The following WDR1 variants were observed in gnomAD, a reference collection of about 807,000 sequenced individuals.
WDR1 encodes WD repeat-containing protein 1.
In WDR1, 21 loss-of-function variants were observed where a neutral mutation model predicts 71.9. That is an observed-to-expected ratio of 0.29 (90% CI 0.21 to 0.42). The LOEUF (loss-of-function observed/expected upper bound fraction) is 0.42, where lower values mean the gene tolerates loss of function less well. Among genes scored for constraint, WDR1 ranks in the 10% least tolerant of loss-of-function variants. The pLI is 1.00. For missense variants in WDR1, 696 were observed against 824.5 expected, an observed-to-expected ratio of 0.84 and a Z score of 1.91; for synonymous variants, 424 against 347.4, an observed-to-expected ratio of 1.22 and a Z score of -2.45.
At chr4:10,105,565 C>A (rs1246872998) in intron 2 of WDR1, among the ~76,000 whole-genome samples, 1 of 152,150 alleles carries the variant, frequency 6.6e-6, no homozygotes, top group Non-Finnish European at 1.5e-5. Flanking sequence ...AAAACTACAA[C>A]AGAATACCAC....
rs1020351592 is a variant in WDR1, at chr4:10,077,559, G to T, written c.1570-111C>A. 21 of 1,539,824 alleles carry T rather than the reference G, an allele frequency of 1.4e-5. No homozygotes were observed. In the East Asian group the frequency reaches 4.7e-4, roughly 35 times the overall value. On this transcript the variant is annotated intron_variant, in intron 13 of 14. Coordinates refer to ENST00000499869, the MANE Select transcript of WDR1 (RefSeq NM_017491.5). ...CAATAAGGACCGAGGTTTCTCACGC[G>T]CTAACTCTATGCCAGCGACCCCTGC...
chr4:10,111,714 C>A (rs1409189201), intron 2 of WDR1, among the ~76,000 whole-genome samples: 4 of 152,132 alleles, frequency 2.6e-5, no homozygotes, highest in Non-Finnish European at 5.9e-5. Flanking sequence ...ACCCCCAACC[C>A]GCAGGAAACA....
Position 10,115,967 on chromosome 4 carries a change from C to T in WDR1, c.138+146G>A, listed in dbSNP as rs75372211. Reference sequence around the variant, plus strand: ...AATCTGAGGCCGGCTTCCGGGGCTCCGAGGTGTGGCTCCCGGTAGAGGGGG... The same window carrying T: ...AATCTGAGGCCGGCTTCCGGGGCTCTGAGGTGTGGCTCCCGGTAGAGGGGG... On this transcript the variant is annotated intron_variant, in intron 2 of 14. Transcript: ENST00000499869. The T allele has an allele frequency of 3.5e-4, 396 of 1,129,622 alleles. No homozygotes were observed. The African/African-American group carries it at 5.7e-3, about 16-fold the overall frequency. 70.0% of individuals were successfully genotyped at this position (1,129,622 alleles called of 1,614,324 possible). A position where few individuals can be genotyped will look rare whatever the true frequency, so the allele number is the denominator to read the frequency against.
intron 8 of WDR1, among the ~76,000 whole-genome samples, chr4:10,084,860 G>A (rs987457609): frequency 6.6e-6 from 1 of 152,192 alleles, no homozygotes; most frequent in African/African-American, 2.4e-5. Context: ...GTGCAGACAC[G>A]TGGCCTGCAC....
chr4:10,081,449 TAGAG>T lies in WDR1; in HGVS notation c.1197-9_1197-6del, dbSNP rs762073314. On this transcript the variant is annotated splice_polypyrimidine_tract_variant and splice_region_variant and intron_variant, in intron 10 of 14. Transcript: ENST00000499869. ...AGTTTCACAACTCCTTGTCCGCTGT[TAGAG>T]AGAAAGGAAGCACATTACTTCGACA... 78 of 1,613,240 alleles carry T rather than the reference TAGAG, an allele frequency of 4.8e-5. No homozygotes were observed. The highest frequency in any genetic ancestry group is 5.8e-5 in the Non-Finnish European group (69 of 1,179,588).
rs1764744963 is a variant in WDR1 at position 10,075,032 on chromosome 4, G to GACA, written c.*345_*346insTGT. 1 of 387,184 alleles carries GACA rather than the reference G, an allele frequency of 2.6e-6. No individual in the cohort carries two copies. Among genetic ancestry groups the GACA allele is most frequent in the Non-Finnish European group, 4.6e-6 (1 of 215,164 alleles). The allele number at this position is 387,184 out of a possible 1,614,324, so 24.0% of individuals were successfully genotyped here. On this transcript the variant is annotated 3_prime_UTR_variant, in exon 15 of 15. Coordinates refer to ENST00000499869, the MANE Select transcript of WDR1 (RefSeq NM_017491.5). ...TTCACCTGTACAACCTCCCCTGACA[G>GACA]ATAGTGAGAGCCGCGGCGGGGCCAG... is the stretch of plus-strand genomic sequence containing the variant.
chr4:10,101,083 A>G (rs4697918), intron 3 of WDR1, among the ~76,000 whole-genome samples: 136,484 of 152,296 alleles, frequency 0.9, 63,013 homozygotes, highest in East Asian at 1. Context: ...GGCCCTCGCC[A>G]ACTCCCAAGG....
At chr4:10,095,605 A>G (rs1363444586) in intron 5 of WDR1, among the ~76,000 whole-genome samples, 2 of 152,120 alleles carry the variant, frequency 1.3e-5, no homozygotes, top group African/African-American at 4.8e-5. Flanking sequence ...GATACACACC[A>G]AAGTGTATCT....
intron 10 of WDR1, among the ~76,000 whole-genome samples, chr4:10,082,737 G>A (rs1057325315): frequency 6.6e-6 from 1 of 152,208 alleles, no homozygotes; most frequent in African/African-American, 2.4e-5. Flanking sequence ...GGGAGAGACC[G>A]CAGCAGGTTC....
rs879860413 is a variant in WDR1 at position 10,103,265 on chromosome 4, CAT to C, written c.229+629_229+630del. ...ACACAAAACAAAACATCCATTCACA[CAT>C]ACACACACACACACACACACAGACA... On this transcript the variant is annotated intron_variant, in intron 3 of 14. Transcript: ENST00000499869. 8.6e-4 allele frequency among the ~76,000 whole-genome samples: 71 copies of C among 82,202 alleles called. 1 individual carries two copies. Among genetic ancestry groups the C allele is most frequent in the Admixed American group, 5.5e-4 (4 of 7,234 alleles). 53.9% of individuals were successfully genotyped at this position (82,202 alleles called of 152,430 possible).
chr4:10,116,295 G>C lies in WDR1; in HGVS notation c.17-61C>G, dbSNP rs907420499. On this transcript the variant is annotated intron_variant, in intron 1 of 14. Coordinates refer to ENST00000499869, the MANE Select transcript of WDR1 (RefSeq NM_017491.5). Reference sequence around the variant, plus strand: ...CAGGGCGGGGACGGCGGGGACAGAAGGGAGAAGGAGCCCCGGACCGGTCTC... The same window carrying C: ...CAGGGCGGGGACGGCGGGGACAGAACGGAGAAGGAGCCCCGGACCGGTCTC... 3.1e-6 allele frequency: 5 copies of C among 1,607,474 alleles called. No homozygotes were observed. The African/African-American group carries it at 5.3e-5, about 17-fold the overall frequency.
intron 5 of WDR1, chr4:10,096,613 G>A (rs1712366136): frequency 6.6e-6 from 1 of 152,256 alleles, no homozygotes; most frequent in South Asian, 2.1e-4. Context: ...GCCAAGAACA[G>A]TCTCTGGAAA....
intron 3 of WDR1, among the ~76,000 whole-genome samples, chr4:10,100,524 G>A (rs1385450889): frequency 6.6e-6 from 1 of 152,250 alleles, no homozygotes; most frequent in African/African-American, 2.4e-5. Context: ...CCCGAGCCTA[G>A]ACTGAGCCAT....
chr4:10,099,430 T>C lies in WDR1; in HGVS notation c.230-291A>G, dbSNP rs181261959. 1.1e-3 allele frequency among the ~76,000 whole-genome samples: 169 copies of C among 152,372 alleles called. 1 individual carries two copies. Among genetic ancestry groups the C allele is most frequent in the African/African-American group, 3.8e-3 (158 of 41,588 alleles). On this transcript the variant is annotated intron_variant, in intron 3 of 14. Coordinates refer to ENST00000499869, the MANE Select transcript of WDR1 (RefSeq NM_017491.5). ...AATCATCTGGATAACAAACCCTGCT[T>C]AGGCATCAGAAAAAGCCCAGGGACA...
At chr4:10,086,291 G>A (rs3756229) in intron 8 of WDR1, among the ~76,000 whole-genome samples, 45,426 of 152,050 alleles carry the variant, frequency 0.3, 7,193 homozygotes, top group East Asian at 0.54. Context: ...CCTGGGCTGT[G>A]AGCCCAGCAA....
At chr4:10,097,987 A>T in intron 4 of WDR1, 96 bp from the exon 5 acceptor site, 1 of 1,277,410 alleles carries the variant, frequency 7.8e-7, no homozygotes, top group Admixed American at 2.8e-5. Context: ...GCCAGTGCAC[A>T]GAGGATGGAG....
chr4:10,081,599 G>A (rs976625748), intron 10 of WDR1, among the ~76,000 whole-genome samples, 155 bp from the exon 11 acceptor site: 4 of 131,650 alleles, frequency 3.0e-5, no homozygotes, highest in South Asian at 4.8e-4. Context: ...GGATGGTAGC[G>A]AAAAAACGAT....
intron 5 of WDR1, 144 bp downstream of exon 5, chr4:10,097,567 T>C: frequency 1.0e-6 from 1 of 996,520 alleles, no homozygotes; most frequent in Non-Finnish European, 1.4e-6. Context: ...TCCCTCTCTC[T>C]GCACACCCCT....
At chr4:10,110,334 A>C (rs1341699780) in intron 2 of WDR1, among the ~76,000 whole-genome samples, 2 of 152,168 alleles carry the variant, frequency 1.3e-5, no homozygotes, top group Non-Finnish European at 2.9e-5. Context: ...CTCTCCAAAG[A>C]AGCATCTCCA....
Sources: allele counts gnomAD v4.1 joint callset (sites outside exome capture counted in the v4.1 genomes callset), GRCh38; gene constraint gnomAD v4.1.1; transcripts MANE v1.5; gene names NCBI Gene and HGNC (gene_info 2026-07-23, HGNC 2026-07-21).